The following EHBP1 variants were observed in gnomAD, a reference collection of about 807,000 sequenced individuals.
The protein encoded by EHBP1 is EH domain binding protein 1, also known as EH domain-binding protein 1.
A neutral mutation model predicts 144.0 loss-of-function variants in EHBP1; 55 were observed. That is an observed-to-expected ratio of 0.38 (90% CI 0.31 to 0.48). The LOEUF is 0.48. EHBP1 is among the 20% of genes least tolerant of loss of function. The pLI is 0.98. For missense variants in EHBP1, 1,200 were observed against 1,364.2 expected, an observed-to-expected ratio of 0.88 and a Z score of 1.90; for synonymous variants, 469 against 472.7, an observed-to-expected ratio of 0.99 and a Z score of 0.10.
intron 19 of EHBP1, among the ~76,000 whole-genome samples, chr2:63,001,784 C>A (rs1430767973): frequency 6.6e-6 from 1 of 152,152 alleles, no homozygotes; most frequent in East Asian, 1.9e-4. Context: ...GGCTCTGGAG[C>A]CTGACTCCCA....
intron 15 of EHBP1, among the ~76,000 whole-genome samples, chr2:62,990,435 T>C (rs1001368859): frequency 3.3e-4 from 51 of 152,310 alleles, no homozygotes; most frequent in Admixed American, 3.1e-3. Flanking sequence ...TATAAATGTA[T>C]ACATCACATA....
intron 9 of EHBP1, among the ~76,000 whole-genome samples, chr2:62,870,743 A>G (rs2050413075): frequency 6.8e-6 from 1 of 147,902 alleles, no homozygotes; most frequent in African/African-American, 2.5e-5. Context: ...AAATACATAT[A>G]TATATATGTA....
chr2:62,734,938 T>C (rs1005977436), intron 2 of EHBP1, among the ~76,000 whole-genome samples: 5 of 152,168 alleles, frequency 3.3e-5, no homozygotes, highest in Non-Finnish European at 7.3e-5. Context: ...TCTCACTCTG[T>C]CACCCAGGCT....
intron 10 of EHBP1, among the ~76,000 whole-genome samples, chr2:62,911,184 G>A (rs892797007): frequency 6.6e-6 from 1 of 152,112 alleles, no homozygotes; most frequent in African/African-American, 2.4e-5. Flanking sequence ...GATGATACCT[G>A]TTAACTAGAG....
At position 63,014,702 on chromosome 2, in the gene EHBP1, G is replaced by T. The variant is rs187635086; in HGVS notation, c.3103+17936G>T. 3.3e-3 allele frequency among the ~76,000 whole-genome samples: 507 copies of T among 152,342 alleles called. 2 individuals are homozygous for T. Among genetic ancestry groups the T allele is most frequent in the Middle Eastern group, 0.017 (5 of 294 alleles). ...TATATAAAGATATTTGAACACGGCT[G>T]GGCACAGGCTCACGCCTGTAATCCC... On this transcript the variant is annotated intron_variant, in intron 19 of 22. Transcript: ENST00000431489.
Position 62,820,736 on chromosome 2 carries a change from TA to T in EHBP1, c.313-5349del, listed in dbSNP as rs1475788760. Among the ~76,000 whole-genome samples, 566 of 72,674 alleles carry T rather than the reference TA, an allele frequency of 7.8e-3. 5 individuals are homozygous for T. Among genetic ancestry groups the T allele is most frequent in the African/African-American group, 0.025 (476 of 18,916 alleles). The allele number at this position is 72,674 out of a possible 152,430, so 47.7% of individuals were successfully genotyped here. ...GTGTGTGTGTGTGTGTGTGTGTGTATAATATATATATATATATATATATATA... is the reference window on the plus strand; with the variant it reads ...GTGTGTGTGTGTGTGTGTGTGTGTATATATATATATATATATATATATATA... On this transcript the variant is annotated intron_variant, in intron 5 of 22. Coordinates refer to ENST00000431489, the MANE Select transcript of EHBP1 (RefSeq NM_001142616.3).
chr2:62,863,837 GTTGTTTT>G (rs1482370114), intron 8 of EHBP1, among the ~76,000 whole-genome samples: 1 of 74,576 alleles, frequency 1.3e-5, no homozygotes, highest in Admixed American at 1.8e-4. Flanking sequence ...ATTTTTCTGT[GTTGTTTT>G]TTTTTTTTTT....
intron 10 of EHBP1, among the ~76,000 whole-genome samples, chr2:62,918,572 T>C (rs2054825431): frequency 6.6e-6 from 1 of 152,194 alleles, no homozygotes; most frequent in Non-Finnish European, 1.5e-5. Flanking sequence ...TCTTTACTCT[T>C]CTCTAATGAC....
intron 5 of EHBP1, among the ~76,000 whole-genome samples, chr2:62,808,296 G>A (rs2044675493): frequency 6.8e-6 from 1 of 146,686 alleles, no homozygotes; most frequent in South Asian, 2.2e-4. Flanking sequence ...CACAGTCCTT[G>A]GCTACTCTAT....
intron 9 of EHBP1, among the ~76,000 whole-genome samples, chr2:62,869,435 C>T (rs938588377): frequency 1.3e-5 from 2 of 152,078 alleles, no homozygotes; most frequent in African/African-American, 4.8e-5. Flanking sequence ...GTGGCATATC[C>T]ATACAATGCA....
Position 62,840,621 on chromosome 2 carries a change from G to A in EHBP1, c.634+9463G>A, listed in dbSNP as rs1257766826. On this transcript the variant is annotated intron_variant, in intron 7 of 22. Transcript: ENST00000431489. ...AAAGGGCTAATATCCAGAATCTACA[G>A]TGAACACAAACAAATTTACAAGAAA... Among the ~76,000 whole-genome samples the A allele has an allele frequency of 2.0e-5, 3 of 151,610 alleles. No homozygotes were observed. In the East Asian group the frequency reaches 5.8e-4, roughly 29 times the overall value.
upstream of EHBP1, among the ~76,000 whole-genome samples, chr2:62,705,191 A>T (rs985442977): frequency 5.9e-5 from 9 of 152,112 alleles, no homozygotes; most frequent in African/African-American, 2.2e-4. Flanking sequence ...GGCTATGCGC[A>T]AAAACCCTAG....
Position 62,705,909 on chromosome 2 carries a change from G to T in EHBP1, c.-439G>T, listed in dbSNP as rs1374672671. The T allele has an allele frequency of 6.3e-6, 1 of 159,030 alleles. No homozygotes were observed. Among genetic ancestry groups the T allele is most frequent in the African/African-American group, 2.4e-5 (1 of 41,412 alleles). 9.9% of individuals were successfully genotyped at this position (159,030 alleles called of 1,614,324 possible). A position where few individuals can be genotyped will look rare whatever the true frequency, so the allele number is the denominator to read the frequency against. On this transcript the variant is annotated 5_prime_UTR_variant, in exon 1 of 23. Transcript: ENST00000431489. Reference sequence around the variant, plus strand: ...GGGCTGCAGATCCCGGCTACCGCGAGCGCCGTGGCTGGCTTGGCTGTTCCA... The same window carrying T: ...GGGCTGCAGATCCCGGCTACCGCGATCGCCGTGGCTGGCTTGGCTGTTCCA...
chr2:62,840,692 C>G (rs2152714392), intron 7 of EHBP1, among the ~76,000 whole-genome samples: 1 of 151,530 alleles, frequency 6.6e-6, no homozygotes, highest in South Asian at 2.1e-4. Context: ...CATGAACAGA[C>G]ACTTCTCAAA....
intron 4 of EHBP1, among the ~76,000 whole-genome samples, chr2:62,767,551 C>A (rs149052374): frequency 6.6e-6 from 1 of 151,238 alleles, no homozygotes; most frequent in South Asian, 2.1e-4. Flanking sequence ...ACAAAAAAAA[C>A]GGACCAGGTG....
intron 14 of EHBP1, among the ~76,000 whole-genome samples, chr2:62,965,740 C>T (rs972341183): frequency 1.3e-5 from 2 of 152,178 alleles, no homozygotes; most frequent in African/African-American, 4.8e-5. Flanking sequence ...AACCAAGAAT[C>T]TGTGAGACAG....
At chr2:62,994,636 C>T (rs2059560765) in intron 18 of EHBP1, among the ~76,000 whole-genome samples, 2 of 152,060 alleles carry the variant, frequency 1.3e-5, no homozygotes, top group Admixed American at 1.3e-4. Context: ...AAGCATAGCT[C>T]TCTTTAATAG....
intron 13 of EHBP1, among the ~76,000 whole-genome samples, chr2:62,954,801 A>G (rs929060481): frequency 6.6e-5 from 10 of 152,136 alleles, no homozygotes; most frequent in Non-Finnish European, 1.3e-4. Flanking sequence ...TAAAGCCAGA[A>G]GTTGGTTACT....
chr2:62,826,030 A>G (rs1395173973), intron 5 of EHBP1, 57 bp from the exon 6 acceptor site: 1 of 1,265,736 alleles, frequency 7.9e-7, no homozygotes, highest in Non-Finnish European at 1.0e-6. Flanking sequence ...GTACTTTAAA[A>G]TGTTTGGCTA....
Sources: gnomAD v4.1 joint callset for allele counts (sites outside exome capture counted in the v4.1 genomes callset) on GRCh38, gnomAD v4.1.1 for gene constraint, MANE v1.5 for transcripts, NCBI Gene and HGNC (gene_info 2026-07-23, HGNC 2026-07-21) for gene names.